VWC2L: variants seen among roughly 807,000 people sequenced by gnomAD.
VWC2L encodes von Willebrand factor C domain containing 2 like.
In VWC2L, 10 loss-of-function variants were observed where a neutral mutation model predicts 21.6. The observed-to-expected ratio is 0.46, with a 90% CI of 0.29 to 0.78. The LOEUF is 0.78. VWC2L is among the 30% of genes least tolerant of loss of function. The pLI, the probability that VWC2L is intolerant of heterozygous loss-of-function variation, is 0.10. For missense variants in VWC2L, 209 were observed against 277.1 expected (o/e 0.75, Z 1.74); for synonymous variants, 96 against 94.3 (o/e 1.02, Z -0.10).
chr2:214,486,592 G>C (rs887042494), intron 3 of VWC2L, among the ~76,000 whole-genome samples: 1 of 152,154 alleles, frequency 6.6e-6, no homozygotes, highest in Admixed American at 6.5e-5. Context: ...ACAGGGCTAG[G>C]AACCCTACTG....
chr2:214,428,909 T>C (rs1702563240), intron 2 of VWC2L, among the ~76,000 whole-genome samples: 1 of 150,570 alleles, frequency 6.6e-6, no homozygotes, highest in Admixed American at 6.6e-5. Flanking sequence ...ATAACTCCCA[T>C]CCCTTAGACC....
chr2:214,487,274 T>C (rs1000548523), intron 3 of VWC2L, among the ~76,000 whole-genome samples: 1 of 152,196 alleles, frequency 6.6e-6, no homozygotes, highest in Non-Finnish European at 1.5e-5. Flanking sequence ...TAAGCAATCT[T>C]GACATTACTT....
chr2:214,441,556 A>C lies in VWC2L; in HGVS notation c.520+4798A>C, dbSNP rs1297095502. On this transcript the variant is annotated intron_variant, in intron 3 of 3. Coordinates refer to ENST00000312504, the MANE Select transcript of VWC2L (RefSeq NM_001080500.4). Reference sequence around the variant, plus strand: ...TAAGAAAGAGTGGAGAAAATGTTATAAACTTTTTAAAAGACACTTTCTTTC... The same window carrying C: ...TAAGAAAGAGTGGAGAAAATGTTATCAACTTTTTAAAAGACACTTTCTTTC... Among the ~76,000 whole-genome samples the C allele has an allele frequency of 2.0e-5, 3 of 152,070 alleles. No homozygotes were observed. The East Asian group carries it at 5.8e-4, about 29-fold the overall frequency.
At chr2:214,467,754 C>A (rs1703240442) in intron 3 of VWC2L, among the ~76,000 whole-genome samples, 1 of 152,130 alleles carries the variant, frequency 6.6e-6, no homozygotes, top group Non-Finnish European at 1.5e-5. Context: ...TTCATTGTCC[C>A]TAAATAACTA....
At chr2:214,465,226 TG>T (rs1703199295) in intron 3 of VWC2L, among the ~76,000 whole-genome samples, 1 of 152,168 alleles carries the variant, frequency 6.6e-6, no homozygotes, top group Non-Finnish European at 1.5e-5. Flanking sequence ...TCACCACAGC[TG>T]GGAATGCACT....
intron 3 of VWC2L, among the ~76,000 whole-genome samples, chr2:214,558,521 C>T (rs193118085): frequency 6.6e-6 from 1 of 152,182 alleles, no homozygotes; most frequent in Non-Finnish European, 1.5e-5. Flanking sequence ...CATGTTCTAC[C>T]TTATTCCACA....
rs75980226 is a variant in VWC2L at position 214,473,340 on chromosome 2, T to C, written c.520+36582T>C. Among the ~76,000 whole-genome samples the C allele has an allele frequency of 8.4e-3, 1,273 of 152,280 alleles. 18 individuals are homozygous for C. The highest frequency in any genetic ancestry group is 0.029 in the African/African-American group (1,197 of 41,548). Reference sequence around the variant, plus strand: ...CAGATAAACCCCCAATTTTCAGTGGTTGAAGGCAATAGTAGTTTATTATTG... The same window carrying C: ...CAGATAAACCCCCAATTTTCAGTGGCTGAAGGCAATAGTAGTTTATTATTG... On this transcript the variant is annotated intron_variant, in intron 3 of 3. Transcript: ENST00000312504.
intron 3 of VWC2L, among the ~76,000 whole-genome samples, chr2:214,500,359 G>C (rs1012488431): frequency 1.3e-5 from 2 of 152,174 alleles, no homozygotes; most frequent in African/African-American, 4.8e-5. Flanking sequence ...GCAAATATCA[G>C]AGGCTGGTAC....
chr2:214,484,406 A>G (rs184026565), intron 3 of VWC2L, among the ~76,000 whole-genome samples: 98 of 152,288 alleles, frequency 6.4e-4, no homozygotes, highest in Middle Eastern at 3.4e-3. Flanking sequence ...CCTTGCCTTA[A>G]AAGGAAGGGC....
At chr2:214,569,729 C>T (rs1034512997) in intron 3 of VWC2L, among the ~76,000 whole-genome samples, 5 of 152,094 alleles carry the variant, frequency 3.3e-5, no homozygotes, top group African/African-American at 4.8e-5. Context: ...ATCTGCACCC[C>T]GACACACACC....
At chr2:214,559,521 A>C (rs960342468) in intron 3 of VWC2L, among the ~76,000 whole-genome samples, 1 of 151,880 alleles carries the variant, frequency 6.6e-6, no homozygotes, top group Non-Finnish European at 1.5e-5. Context: ...CACTTTCTTA[A>C]GGCACCCGTC....
At chr2:214,528,034 CAG>C (rs1689371743) in intron 3 of VWC2L, among the ~76,000 whole-genome samples, 1 of 152,160 alleles carries the variant, frequency 6.6e-6, no homozygotes, top group South Asian at 2.1e-4. Context: ...TGAATAGTAA[CAG>C]AGGAAACTGA....
chr2:214,486,697 AT>A (rs1216419322), intron 3 of VWC2L, among the ~76,000 whole-genome samples: 1 of 151,812 alleles, frequency 6.6e-6, no homozygotes, highest in African/African-American at 2.4e-5. Flanking sequence ...TTCTTTATTT[AT>A]TTTTTTCTTT....
In VWC2L at chr2:214,414,301, G is replaced by A; in HGVS notation, c.108G>A (p.Gln36=). The change falls in exon 2 of 4, where the codon CAG becomes CAA. Residue 36 remains glutamine (Q), a synonymous_variant. Coordinates refer to ENST00000312504, the MANE Select transcript of VWC2L (RefSeq NM_001080500.4). ...ACTATCCTGCTGATGAAGGTGACCA[G>A]ATCTCCAGTAATGACAATCTGATCT... is the stretch of plus-strand genomic sequence containing the variant. ...HEDYPADEGD[Q]ISSNDNLIFD... The A allele has an allele frequency of 1.9e-6, 3 of 1,613,872 alleles. No homozygotes were observed. The highest frequency in any genetic ancestry group is 2.5e-6 in the Non-Finnish European group (3 of 1,179,834).
At chr2:214,425,215 C>T (rs190484694) in intron 2 of VWC2L, among the ~76,000 whole-genome samples, 76 of 152,318 alleles carry the variant, frequency 5.0e-4, no homozygotes, top group Admixed American at 3.7e-3. Flanking sequence ...TTCTCTCAAA[C>T]TGTGCTGTCA....
Position 214,469,711 on chromosome 2 carries a change from G to A in VWC2L, c.520+32953G>A, listed in dbSNP as rs76243109. On this transcript the variant is annotated intron_variant, in intron 3 of 3. Coordinates refer to ENST00000312504, the MANE Select transcript of VWC2L (RefSeq NM_001080500.4). ...TGGAAGTAAAATATCACCTTGAAAG[G>A]CATTAGGACAAAATAATAAATTTTC... Among the ~76,000 whole-genome samples, 749 of 152,264 alleles carry A rather than the reference G, an allele frequency of 4.9e-3. 7 individuals are homozygous for A. The highest frequency in any genetic ancestry group is 0.017 in the African/African-American group (709 of 41,526).
At chr2:214,497,417 T>G (rs1688827701) in intron 3 of VWC2L, among the ~76,000 whole-genome samples, 1 of 152,202 alleles carries the variant, frequency 6.6e-6, no homozygotes, top group Non-Finnish European at 1.5e-5. Context: ...ATTCAACTGT[T>G]TTCTTAACTC....
At chr2:214,554,135 CCACT>C (rs749861219) in intron 3 of VWC2L, among the ~76,000 whole-genome samples, 1 of 140,030 alleles carries the variant, frequency 7.1e-6, no homozygotes, top group Non-Finnish European at 1.5e-5. Flanking sequence ...CCACAAGTCT[CCACT>C]CAGTCTTTAT....
At chr2:214,510,384 C>T in intron 3 of VWC2L, among the ~76,000 whole-genome samples, 1 of 152,102 alleles carries the variant, frequency 6.6e-6, no homozygotes, top group African/African-American at 2.4e-5. Flanking sequence ...CTATTTGGAG[C>T]CGCTTTCTGT....
Sources: gnomAD v4.1 joint callset for allele counts (sites outside exome capture counted in the v4.1 genomes callset) on GRCh38, gnomAD v4.1.1 for gene constraint, MANE v1.5 for transcripts, NCBI Gene and HGNC (gene_info 2026-07-23, HGNC 2026-07-21) for gene names.